ECSCR: variants seen among roughly 807,000 people sequenced by gnomAD.
ECSCR encodes endothelial cell surface expressed chemotaxis and apoptosis regulator.
A neutral mutation model predicts 16.7 loss-of-function variants in ECSCR; 12 were observed. That is an observed-to-expected ratio of 0.72 (90% confidence interval 0.46 to 1.17). The LOEUF (loss-of-function observed/expected upper bound fraction) is 1.17, where lower values mean the gene tolerates loss of function less well. ECSCR is among the 50% of genes most tolerant of loss of function. The probability of loss-of-function intolerance (pLI) is 0.00; values close to 1 mark genes in which losing one functional copy is unlikely to be tolerated. For synonymous variants in ECSCR, 44 were observed against 42.2 expected, an observed-to-expected ratio of 1.04 and a Z score of -0.17; for missense variants, 122 against 116.1, an observed-to-expected ratio of 1.05 and a Z score of -0.23.
At chr5:139,450,868 G>A (rs1016492020) in intron 8 of ECSCR, among the ~76,000 whole-genome samples, 1 of 152,178 alleles carries the variant, frequency 6.6e-6, no homozygotes, top group Non-Finnish European at 1.5e-5. Flanking sequence ...CGGCACATAA[G>A]AAGTATTCAA....
chr5:139,452,066 G>C (rs1262433937), intron 8 of ECSCR, among the ~76,000 whole-genome samples: 2 of 150,080 alleles, frequency 1.3e-5, no homozygotes, highest in African/African-American at 4.9e-5. Context: ...ATGTGGGGGT[G>C]TGTGTATAGT....
intron 7 of ECSCR, 50 bp downstream of exon 7, chr5:139,454,775 C>T: frequency 2.5e-6 from 1 of 398,388 alleles, no homozygotes; most frequent in Non-Finnish European, 4.4e-6. Flanking sequence ...GGCTCTAGCC[C>T]TGGGTCCGCC....
chr5:139,455,477 G>T lies in ECSCR; in HGVS notation c.263-41C>A. 3 of 397,496 alleles carry T rather than the reference G, an allele frequency of 7.5e-6. No individual in the cohort carries two copies. In the South Asian group the frequency reaches 3.9e-4, roughly 51 times the overall value. 24.6% of individuals were successfully genotyped at this position (397,496 alleles called of 1,614,324 possible). A position where few individuals can be genotyped will look rare whatever the true frequency, so the allele number is the denominator to read the frequency against. Reference sequence around the variant, plus strand: ...GTCAGGGGCATCAGCGAAGGGGACTGACACAGGGAAGCTAGAGCTAGCTTC... The same window carrying T: ...GTCAGGGGCATCAGCGAAGGGGACTTACACAGGGAAGCTAGAGCTAGCTTC... On this transcript the variant is annotated intron_variant, in intron 5 of 9. Transcript: ENST00000618155.
intron 1 of ECSCR, among the ~76,000 whole-genome samples, chr5:139,459,241 G>A (rs1751239344): frequency 6.6e-6 from 1 of 152,210 alleles, no homozygotes; most frequent in Admixed American, 6.5e-5. Context: ...AAGGGGCTGA[G>A]AGACGGGAAG....
intron 1 of ECSCR, 112 bp downstream of exon 1, chr5:139,462,498 C>T (rs898112602): frequency 6.1e-6 from 7 of 1,146,086 alleles, no homozygotes; most frequent in Non-Finnish European, 8.9e-6. Context: ...TGGAATTTCC[C>T]CTGGGCACAG....
chr5:139,449,589 T>C (rs1488078830), intron 8 of ECSCR, among the ~76,000 whole-genome samples: 1 of 152,222 alleles, frequency 6.6e-6, no homozygotes, highest in East Asian at 1.9e-4. Flanking sequence ...TCCAGCCATC[T>C]TGGCCTCCCG....
chr5:139,456,577 G>A lies in ECSCR; in HGVS notation c.218-59C>T, dbSNP rs1421234608. ...CATCCCCCAGCAGCTCTTCTCCCTCGCTGCTAAGCAAAGGCCAGTCTTCCC... is the reference window on the plus strand; with the variant it reads ...CATCCCCCAGCAGCTCTTCTCCCTCACTGCTAAGCAAAGGCCAGTCTTCCC... On this transcript the variant is annotated intron_variant, in intron 4 of 9. Transcript: ENST00000618155. 5.0e-5 allele frequency: 20 copies of A among 398,304 alleles called. 2 individuals are homozygous for A. Among genetic ancestry groups the A allele is most frequent in the Admixed American group, 2.2e-4 (5 of 22,730 alleles). 24.7% of individuals were successfully genotyped at this position (398,304 alleles called of 1,614,324 possible).
chr5:139,450,691 A>C (rs1453387237), intron 8 of ECSCR, among the ~76,000 whole-genome samples: 2 of 150,836 alleles, frequency 1.3e-5, no homozygotes, highest in African/African-American at 4.9e-5. Flanking sequence ...CAGGAGAATC[A>C]CTTGAACCTG....
intron 8 of ECSCR, among the ~76,000 whole-genome samples, 154 bp downstream of exon 8, chr5:139,454,448 T>G (rs1360492728): frequency 4.8e-5 from 7 of 146,162 alleles, no homozygotes; most frequent in African/African-American, 1.8e-4. Flanking sequence ...GTAGGGTGTG[T>G]GGTGGGTTTG....
In ECSCR at chr5:139,458,187, C is replaced by T. The variant is rs1751204066; in HGVS notation, c.62-4G>A. On this transcript the variant is annotated splice_region_variant and splice_polypyrimidine_tract_variant and intron_variant, in intron 1 of 9. Coordinates refer to ENST00000618155, the MANE Select transcript of ECSCR (RefSeq NM_001077693.4). ...ATTGTGGGCTGGGAGTTGTGGCCTG[C>T]AAGAGAAAGCAAAACACATAGCTTG... 6.5e-7 allele frequency: 1 copy of T among 1,549,638 alleles called. No individual in the cohort carries two copies. Among genetic ancestry groups the T allele is most frequent in the Non-Finnish European group, 8.7e-7 (1 of 1,146,962 alleles).
rs1409755069 is a variant in ECSCR at position 139,462,655 on chromosome 5, C to T, written c.16G>A (p.Ala6Thr). The change falls in exon 1 of 10, where the codon GCC becomes ACC. Residue 6 changes from alanine to threonine, a missense_variant. Transcript: ENST00000618155. Reference protein sequence around the residue: MGTAGAMQLCWVILGF... With the variant: MGTAGTMQLCWVILGF... Reference sequence around the variant, plus strand: ...AGGATCACCCAGCACAGCTGCATGGCTCCTGCGGTGCCCATGTCAGCTGGG... The same window carrying T: ...AGGATCACCCAGCACAGCTGCATGGTTCCTGCGGTGCCCATGTCAGCTGGG... 1 of 1,591,542 alleles carries T rather than the reference C, an allele frequency of 6.3e-7. No homozygotes were observed. The highest frequency in any genetic ancestry group is 8.6e-7 in the Non-Finnish European group (1 of 1,169,560).
At chr5:139,450,817 A>G (rs1751024793) in intron 8 of ECSCR, among the ~76,000 whole-genome samples, 1 of 152,144 alleles carries the variant, frequency 6.6e-6, no homozygotes, top group African/African-American at 2.4e-5. Flanking sequence ...TAATTGCTAT[A>G]AAGATTTGAG....
At chr5:139,460,696 GTGTCTCTGA>G (rs1037345557) in intron 1 of ECSCR, among the ~76,000 whole-genome samples, 1 of 152,080 alleles carries the variant, frequency 6.6e-6, no homozygotes, top group Admixed American at 6.6e-5. Flanking sequence ...ACAGCCGAGG[GTGTCTCTGA>G]CCACTGGGCC....
intron 5 of ECSCR, among the ~76,000 whole-genome samples, chr5:139,456,191 A>G (rs979797999): frequency 2.6e-5 from 4 of 152,114 alleles, no homozygotes; most frequent in African/African-American, 7.2e-5. Flanking sequence ...GCTACTCAGG[A>G]GGAGGAGGTT....
At chr5:139,459,142 C>CCACA (rs1451957439) in intron 1 of ECSCR, among the ~76,000 whole-genome samples, 6 of 152,136 alleles carry the variant, frequency 3.9e-5, no homozygotes, top group Non-Finnish European at 5.9e-5. Flanking sequence ...CAATGACCTG[C>CCACA]CACACCTAGA....
chr5:139,455,268 T>A, intron 6 of ECSCR, 55 bp downstream of exon 6: 1 of 398,062 alleles, frequency 2.5e-6, no homozygotes. Context: ...AGAGTCCAAG[T>A]TAATTCCAGG....
At chr5:139,456,265 CA>C (rs1277792578) in intron 5 of ECSCR, among the ~76,000 whole-genome samples, 1 of 151,730 alleles carries the variant, frequency 6.6e-6, no homozygotes, top group Admixed American at 6.6e-5. Flanking sequence ...TCCTTCTCAA[CA>C]AAAAAAAGGT....
chr5:139,451,074 T>C (rs1382224870), intron 8 of ECSCR, among the ~76,000 whole-genome samples: 5 of 151,952 alleles, frequency 3.3e-5, no homozygotes. Context: ...CCTGTCAGGA[T>C]TGTATGTGTG....
rs1271963839 is a variant in ECSCR at position 139,449,135 on chromosome 5, A to G, written c.552T>C (p.Leu184=). The G allele has an allele frequency of 6.5e-7, 1 of 1,537,208 alleles. No homozygotes were observed. Among genetic ancestry groups the G allele is most frequent in the African/African-American group, 1.4e-5 (1 of 73,154 alleles). Residue 184 remains leucine, a synonymous_variant, in exon 9 of 10, where the codon CTT becomes CTC. Transcript: ENST00000618155. Reference sequence around the variant, plus strand: ...TCATGTTGATGTTCTTCATGGAGATAAGGGTGATGCTGTCTTTCTCTCCAT... The same window carrying G: ...TCATGTTGATGTTCTTCATGGAGATGAGGGTGATGCTGTCTTTCTCTCCAT... The part of the protein sequence containing the change: ...TANGEKDSIT[L]ISMKNINMNN...
Sources: allele counts gnomAD v4.1 joint callset (sites outside exome capture counted in the v4.1 genomes callset), GRCh38; gene constraint gnomAD v4.1.1; transcripts MANE v1.5; gene names NCBI Gene and HGNC (gene_info 2026-07-23, HGNC 2026-07-21).